The following GPR158 variants were observed in gnomAD, a reference collection of about 807,000 sequenced individuals.
GPR158 encodes metabotropic glycine receptor.
Under a neutral mutation model 78.2 loss-of-function variants are expected in GPR158, and 30 were observed. The ratio of observed to expected loss-of-function variants is 0.38; its 90% CI spans 0.29 to 0.52. The LOEUF is 0.52. Among genes scored for constraint, GPR158 ranks in the 20% least tolerant of loss-of-function variants. The probability of loss-of-function intolerance (pLI) is 0.83; values close to 1 mark genes in which losing one functional copy is unlikely to be tolerated. For missense variants in GPR158, 1,463 were observed against 1,523.5 expected, an observed-to-expected ratio of 0.96 and a Z score of 0.66; for synonymous variants, 581 against 591.1, an observed-to-expected ratio of 0.98 and a Z score of 0.25.
chr10:25,235,329 G>A (rs1853504951), intron 2 of GPR158, among the ~76,000 whole-genome samples: 1 of 150,764 alleles, frequency 6.6e-6, no homozygotes, highest in Non-Finnish European at 1.5e-5. Context: ...CTACATCTTA[G>A]TTCTATTCCA....
intron 5 of GPR158, among the ~76,000 whole-genome samples, chr10:25,495,295 C>CTTTTTTTTTTTTTT (rs71399976): frequency 3.3e-5 from 3 of 91,096 alleles, no homozygotes; most frequent in Non-Finnish European, 6.0e-5. Flanking sequence ...TTCTTTTCTG[C>CTTTTTTTTTTTTTT]TTTTTTTTTT....
rs368962394 is a variant in GPR158 at position 25,310,775 on chromosome 10, ATAGT to A, written c.1009-85132_1009-85129del. Among the ~76,000 whole-genome samples the A allele has an allele frequency of 8.8e-3, 1,335 of 152,084 alleles. 26 individuals carry two copies. The highest frequency in any genetic ancestry group is 0.03 in the African/African-American group (1,232 of 41,542). On this transcript the variant is annotated intron_variant, in intron 2 of 10. Coordinates refer to ENST00000376351, the MANE Select transcript of GPR158 (RefSeq NM_020752.3). The stretch of plus-strand genomic sequence containing the variant: ...TTATTTTTCTTTTGGATTTTGAGTC[ATAGT>A]TAGAGATCTTTTTCTACAACCAGTT...
At chr10:25,457,140 C>CTTTTTTTTT (rs11384299) in intron 4 of GPR158, among the ~76,000 whole-genome samples, 6 of 59,418 alleles carry the variant, frequency 1.0e-4, no homozygotes, top group Non-Finnish European at 1.5e-4. Flanking sequence ...CCATGCCCAC[C>CTTTTTTTTT]TTTTTTTTTT....
chr10:25,366,952 G>A (rs998896618), intron 2 of GPR158, among the ~76,000 whole-genome samples: 1 of 151,550 alleles, frequency 6.6e-6, no homozygotes, highest in Admixed American at 6.6e-5. Context: ...TTATATTGTA[G>A]CTATAGACCT....
chr10:25,432,019 A>T (rs11014549), intron 4 of GPR158, among the ~76,000 whole-genome samples: 7 of 29,590 alleles, frequency 2.4e-4, no homozygotes, highest in Non-Finnish European at 5.9e-4. Flanking sequence ...AAAATAAAAA[A>T]AAATGCAAAG....
chr10:25,217,596 G>T lies in GPR158; in HGVS notation c.903-3456G>T, dbSNP rs564906607. Reference sequence around the variant, plus strand: ...TTTGTTTAACCCGTGAAAGATGAGGGCCTGAAGCAAGGCAGTGGCCATGCA... The same window carrying T: ...TTTGTTTAACCCGTGAAAGATGAGGTCCTGAAGCAAGGCAGTGGCCATGCA... On this transcript the variant is annotated intron_variant, in intron 1 of 10. Coordinates refer to ENST00000376351, the MANE Select transcript of GPR158 (RefSeq NM_020752.3). 5.9e-5 allele frequency among the ~76,000 whole-genome samples: 9 copies of T among 152,306 alleles called. No homozygotes were observed. In the South Asian group the frequency reaches 1.9e-3, roughly 32 times the overall value.
At chr10:25,424,359 T>C (rs1834791351) in intron 4 of GPR158, among the ~76,000 whole-genome samples, 2 of 152,226 alleles carry the variant, frequency 1.3e-5, no homozygotes, top group Admixed American at 1.3e-4. Flanking sequence ...TGGCAGTTTC[T>C]TTTGCTGTGC....
intron 8 of GPR158, among the ~76,000 whole-genome samples, chr10:25,592,227 T>C (rs1489712495): frequency 6.6e-6 from 1 of 151,986 alleles, no homozygotes; most frequent in East Asian, 1.9e-4. Flanking sequence ...GACTATACAT[T>C]ATATACAGAT....
intron 5 of GPR158, among the ~76,000 whole-genome samples, chr10:25,497,676 G>A (rs1026010808): frequency 2.6e-5 from 4 of 152,134 alleles, no homozygotes; most frequent in Non-Finnish European, 5.9e-5. Flanking sequence ...ACTATATGCT[G>A]TGTGCTTAGC....
intron 2 of GPR158, among the ~76,000 whole-genome samples, chr10:25,278,172 T>A (rs1564408960): frequency 6.6e-6 from 1 of 151,792 alleles, no homozygotes; most frequent in Non-Finnish European, 1.5e-5. Flanking sequence ...TTAAGATTAT[T>A]AACAAAATAG....
chr10:25,523,992 C>T (rs182358034), intron 5 of GPR158, among the ~76,000 whole-genome samples: 30 of 151,888 alleles, frequency 2.0e-4, no homozygotes, highest in African/African-American at 7.0e-4. Flanking sequence ...TTGCAGAATA[C>T]GAGATCAGAA....
intron 2 of GPR158, among the ~76,000 whole-genome samples, chr10:25,290,975 A>G (rs1339906346): frequency 1.3e-5 from 2 of 152,126 alleles, no homozygotes; most frequent in Non-Finnish European, 2.9e-5. Context: ...ATAATGTCAT[A>G]GACAAAAGTA....
intron 2 of GPR158, among the ~76,000 whole-genome samples, chr10:25,292,807 T>C (rs1245903481): frequency 2.0e-5 from 3 of 152,118 alleles, no homozygotes; most frequent in African/African-American, 7.2e-5. Context: ...ATTTTCCTGG[T>C]TAGACATGTA....
chr10:25,596,761 A>C lies in GPR158; in HGVS notation c.2117A>C (p.Glu706Ala). The C allele has an allele frequency of 3.1e-6, 5 of 1,613,844 alleles. No homozygotes were observed. The highest frequency in any genetic ancestry group is 3.4e-6 in the Non-Finnish European group (4 of 1,179,848). Residue 706 changes from glutamate to alanine, a missense_variant, in exon 10 of 11, where the codon GAG becomes GCG. Physicochemically the swap from Glu to Ala is moderately radical, Grantham distance 107. Transcript: ENST00000376351. The part of the protein sequence containing the change: ...LNSSINSAWS[E>A]HSLDPEDIRD... ...AGCAGTATCAATTCAGCCTGGAGTG[A>C]GCACAGCTTGGATCCAGAGGACATT... is the stretch of plus-strand genomic sequence containing the variant.
chr10:25,244,087 G>C (rs967604738), intron 2 of GPR158: 3 of 151,994 alleles, frequency 2.0e-5, no homozygotes, highest in Non-Finnish European at 4.4e-5. Context: ...CTTAGAACAA[G>C]AGTCATCTTT....
chr10:25,578,727 G>T (rs1458033981), intron 7 of GPR158, among the ~76,000 whole-genome samples: 4 of 152,092 alleles, frequency 2.6e-5, no homozygotes, highest in Non-Finnish European at 5.9e-5. Flanking sequence ...AAAGGGGTTG[G>T]CCTGGCACGG....
At chr10:25,493,906 T>C (rs1164367005) in intron 5 of GPR158, among the ~76,000 whole-genome samples, 2 of 152,226 alleles carry the variant, frequency 1.3e-5, no homozygotes, top group African/African-American at 4.8e-5. Context: ...ATTTGCTTAT[T>C]GCGCTAAAGC....
intron 2 of GPR158, among the ~76,000 whole-genome samples, chr10:25,382,388 G>A (rs946753910): frequency 3.3e-5 from 5 of 151,122 alleles, no homozygotes; most frequent in African/African-American, 1.2e-4. Context: ...TGGCTCCATC[G>A]AACATAAGAA....
intron 2 of GPR158, among the ~76,000 whole-genome samples, chr10:25,339,861 T>G (rs1049123261): frequency 2.6e-5 from 4 of 152,132 alleles, no homozygotes; most frequent in African/African-American, 4.8e-5. Context: ...TGAACCCAAG[T>G]TTATTATAAT....
Sources: allele counts gnomAD v4.1 joint callset (sites outside exome capture counted in the v4.1 genomes callset), GRCh38; gene constraint gnomAD v4.1.1; transcripts MANE v1.5; gene names NCBI Gene and HGNC (gene_info 2026-07-23, HGNC 2026-07-21).